RGPD3: variants seen among roughly 807,000 people sequenced by gnomAD.
RGPD3 encodes RANBP2 like and GRIP domain containing 3, also known as ranBP2-like and GRIP domain-containing protein 3.
Under a neutral mutation model 154.5 loss-of-function variants are expected in RGPD3, and 62 were observed. The ratio of observed to expected loss-of-function variants is 0.40; its 90% CI spans 0.33 to 0.50. The LOEUF (loss-of-function observed/expected upper bound fraction) is 0.50. Ranked by LOEUF, RGPD3 falls within the 20% of genes least tolerant of loss-of-function variation. The pLI, the probability that RGPD3 is intolerant of heterozygous loss-of-function variation, is 0.59. For synonymous variants in RGPD3, 308 were observed against 607.0 expected (o/e 0.51, Z 7.24); for missense variants, 919 against 1,716.8 (o/e 0.54, Z 8.21).
In RGPD3 at chr2:106,425,239, T is replaced by C. The variant is rs1238301897; in HGVS notation, c.2728A>G (p.Thr910Ala). ...KGSSNTEFKS[T>A]KEGFSIPVSA... ...ACAGGGATGGAAAATCCTTCTTTGGTTGACTTAAATTCTGTATTAGAAGAA... is the reference window on the plus strand; with the variant it reads ...ACAGGGATGGAAAATCCTTCTTTGGCTGACTTAAATTCTGTATTAGAAGAA... Residue 910 changes from threonine (T) to alanine (A), a missense_variant, in exon 20 of 23, where the codon ACC (threonine) becomes GCC (alanine). Physicochemically the swap from Thr to Ala is moderately conservative, Grantham distance 58. Coordinates refer to ENST00000409886, the MANE Select transcript of RGPD3 (RefSeq NM_001144013.2). 2 of 1,611,554 alleles carry C rather than the reference T, an allele frequency of 1.2e-6. No homozygotes were observed. Among genetic ancestry groups the C allele is most frequent in the Non-Finnish European group, 8.5e-7 (1 of 1,179,664 alleles).
chr2:106,422,931 G>A, intron 20 of RGPD3, 112 bp downstream of exon 20: 1 of 1,595,140 alleles, frequency 6.3e-7, no homozygotes, highest in African/African-American at 1.3e-5. Flanking sequence ...TTTTAGGGGT[G>A]TTCACAAAGC....
upstream of RGPD3, among the ~76,000 whole-genome samples, chr2:106,468,753 G>C (rs1396718895): frequency 1.5e-5 from 2 of 130,056 alleles, no homozygotes; most frequent in African/African-American, 5.6e-5. Flanking sequence ...TTGCAGTACG[G>C]TGAGATTGCC....
chr2:106,424,021 C>A lies in RGPD3; in HGVS notation c.3946G>T (p.Val1316Phe), dbSNP rs756752769. ...ACATCAGATTCTTCATCAGTGCCAA[C>A]TGAAGTCCCACTCTGATTCAACTTG... ...PAKLNQSGTS[V>F]GTDEESDVTQ... Residue 1316 changes from valine (V) to phenylalanine (F), a missense_variant, in exon 20 of 23, where the codon GTT becomes TTT. Val to Phe is a conservative substitution (Grantham distance 50). Transcript: ENST00000409886. The A allele has an allele frequency of 5.6e-6, 9 of 1,611,656 alleles. No individual in the cohort carries two copies. The highest frequency in any genetic ancestry group is 1.7e-5 in the Admixed American group (1 of 59,964).
rs372919541 is a variant in RGPD3 at position 106,432,232 on chromosome 2, C to T, written c.2469+703G>A. On this transcript the variant is annotated intron_variant, in intron 17 of 22. Transcript: ENST00000409886. The stretch of plus-strand genomic sequence containing the variant: ...CTTTGGGAGGCCAAGGCGGGCAGAT[C>T]GCCTGAGGTCAGAAGTTCAAAACCA... Among the ~76,000 whole-genome samples the T allele has an allele frequency of 5.7e-4, 85 of 148,450 alleles. 5 individuals are homozygous for T. Among genetic ancestry groups the T allele is most frequent in the African/African-American group, 1.8e-3 (72 of 40,210 alleles).
At chr2:106,449,551 T>A (rs1321954135) in intron 6 of RGPD3, among the ~76,000 whole-genome samples, 1 of 151,960 alleles carries the variant, frequency 6.6e-6, no homozygotes, top group Non-Finnish European at 1.5e-5. Flanking sequence ...TTTTATTTGT[T>A]TTAATTTCTA....
intron 9 of RGPD3, among the ~76,000 whole-genome samples, chr2:106,437,695 T>C (rs1374933276): frequency 1.2e-4 from 19 of 152,142 alleles, no homozygotes; most frequent in Admixed American, 3.3e-4. Flanking sequence ...TGTTGAAGTT[T>C]TTATCAGAGT....
At chr2:106,425,659 CAATT>C (rs1324128943) in intron 19 of RGPD3, among the ~76,000 whole-genome samples, 2 of 63,560 alleles carry the variant, frequency 3.1e-5, no homozygotes, top group African/African-American at 6.1e-5. Context: ...AGTCTTCAAT[CAATT>C]GTTATATATA....
intron 22 of RGPD3, among the ~76,000 whole-genome samples, chr2:106,412,283 CTACATCA>C (rs1676692697): frequency 1.2e-5 from 1 of 83,158 alleles, no homozygotes; most frequent in Admixed American, 1.6e-4. Flanking sequence ...CCAACTCTAA[CTACATCA>C]TAGTTTTTTT....
At chr2:106,410,570 A>T (rs1244220692) in intron 22 of RGPD3, among the ~76,000 whole-genome samples, 1 of 152,182 alleles carries the variant, frequency 6.6e-6, no homozygotes. Context: ...GTATTTTGAG[A>T]TAATATCATT....
In RGPD3 at chr2:106,423,872, G is replaced by C. The variant is rs755955825; in HGVS notation, c.4095C>G (p.Tyr1365Ter). The change falls in exon 20 of 23, where the codon TAC becomes TAG. Residue 1365 changes from tyrosine to a stop codon, truncating the protein, a stop_gained. Coordinates refer to ENST00000409886, the MANE Select transcript of RGPD3 (RefSeq NM_001144013.2). LOFTEE classifies it high-confidence loss of function. ...ATTGACCAACATCTTTATCATATCT[G>C]TAGAATTCTGCCCTGTGACTAAAAA... ...QVVFSHRAEFYRYDKDVGQWK... is the reference protein window; with the variant it reads ...QVVFSHRAEF The C allele has an allele frequency of 1.2e-6, 2 of 1,611,786 alleles. No homozygotes were observed. Among genetic ancestry groups the C allele is most frequent in the Non-Finnish European group, 1.7e-6 (2 of 1,179,836 alleles).
intron 1 of RGPD3, among the ~76,000 whole-genome samples, chr2:106,465,560 C>T (rs1573307218): frequency 3.7e-5 from 5 of 136,746 alleles, no homozygotes; most frequent in African/African-American, 8.1e-5. Flanking sequence ...TCTAAGCTTG[C>T]TTTTTTTTTT....
At chr2:106,467,618 CG>C in intron 1 of RGPD3, among the ~76,000 whole-genome samples, 1 of 143,982 alleles carries the variant, frequency 6.9e-6, no homozygotes, top group Non-Finnish European at 1.5e-5. Context: ...GCCGCCGGGC[CG>C]GGTCGAGGCA....
intron 17 of RGPD3, among the ~76,000 whole-genome samples, 172 bp downstream of exon 17, chr2:106,432,760 CACA>C (rs2104471431): frequency 1.1e-5 from 1 of 90,726 alleles, no homozygotes; most frequent in South Asian, 5.5e-4. Context: ...CTCCAGCCTG[CACA>C]ACAAGACCCT....
In RGPD3 at chr2:106,423,914, C is replaced by T. The variant is rs2104457208; in HGVS notation, c.4053G>A (p.Glu1351=). The T allele has an allele frequency of 1.2e-6, 2 of 1,611,744 alleles. No homozygotes were observed. The highest frequency in any genetic ancestry group is 2.2e-5 in the South Asian group (2 of 90,968). The part of the protein sequence containing the change: ...LPDLVEVSSG[E]ENEQVVFSHR... ...GACTAAAAACAACTTGTTCATTTTC[C>T]TCACCACTGGATACTTCAACTAGAT... Residue 1351 remains glutamate, a synonymous_variant, in exon 20 of 23, where the codon GAG becomes GAA. Transcript: ENST00000409886.
rs556428798 is a variant in RGPD3 at position 106,424,212 on chromosome 2, T to A, written c.3755A>T (p.Tyr1252Phe). The A allele has an allele frequency of 3.1e-6, 5 of 1,611,860 alleles. No homozygotes were observed. Among genetic ancestry groups the A allele is most frequent in the Non-Finnish European group, 4.2e-6 (5 of 1,179,790 alleles). The change falls in exon 20 of 23, where the codon TAT becomes TTT. Residue 1252 changes from tyrosine (Y) to phenylalanine (F), a missense_variant. By Grantham distance (22) the Tyr-to-Phe change is conservative. Transcript: ENST00000409886. ...NTGPTLEWDNYDLREDALDDS... is the reference protein window; with the variant it reads ...NTGPTLEWDNFDLREDALDDS... ...ATCCAAAGCATCTTCCCTTAAATCATAGTTATCCCATTCTAATGTGGGCCC... is the reference window on the plus strand; with the variant it reads ...ATCCAAAGCATCTTCCCTTAAATCAAAGTTATCCCATTCTAATGTGGGCCC...
At chr2:106,438,334 A>T (rs907062398) in intron 9 of RGPD3, among the ~76,000 whole-genome samples, 1 of 151,540 alleles carries the variant, frequency 6.6e-6, no homozygotes, top group Non-Finnish European at 1.5e-5. Context: ...ATTAAAAAAA[A>T]AAAATTATCT....
At chr2:106,445,238 G>T (rs1198436281) in intron 7 of RGPD3, among the ~76,000 whole-genome samples, 1 of 147,132 alleles carries the variant, frequency 6.8e-6, no homozygotes, top group Non-Finnish European at 1.5e-5. Flanking sequence ...GCAGTGAGCC[G>T]AGGTCGTGCC....
rs1023694732 is a variant in RGPD3, at chr2:106,405,106, C to A, written c.*113G>T. The A allele has an allele frequency of 2.2e-5, 32 of 1,481,360 alleles. No homozygotes were observed. The African/African-American group carries it at 4.1e-4, about 19-fold the overall frequency. The allele number at this position is 1,481,360 out of a possible 1,614,324, so 91.8% of individuals were successfully genotyped here. A position where few individuals can be genotyped will look rare whatever the true frequency, so the allele number is the denominator to read the frequency against. The stretch of plus-strand genomic sequence containing the variant: ...AAAGAATGATGGTAATACACATGAA[C>A]CATTTTTGTAAATAGATTTTATTTG... On this transcript the variant is annotated 3_prime_UTR_variant, in exon 23 of 23. Coordinates refer to ENST00000409886, the MANE Select transcript of RGPD3 (RefSeq NM_001144013.2).
At chr2:106,410,877 T>C (rs894137083) in intron 22 of RGPD3, among the ~76,000 whole-genome samples, 5 of 152,132 alleles carry the variant, frequency 3.3e-5, no homozygotes, top group South Asian at 2.1e-4. Flanking sequence ...ATTGTGGCTA[T>C]AGAAACCTAT....
Sources: gnomAD v4.1 joint callset for allele counts (sites outside exome capture counted in the v4.1 genomes callset) on GRCh38, gnomAD v4.1.1 for gene constraint, MANE v1.5 for transcripts, NCBI Gene and HGNC (gene_info 2026-07-23, HGNC 2026-07-21) for gene names.